Variants in PRKACB observed in about 807,000 individuals in gnomAD.
PRKACB encodes the protein cAMP-dependent protein kinase catalytic subunit beta.
In PRKACB, 16 loss-of-function variants were observed where a neutral mutation model predicts 51.4. The observed-to-expected ratio is 0.31, with a 90% CI of 0.21 to 0.47. The LOEUF (loss-of-function observed/expected upper bound fraction) is 0.47, where lower values mean the gene tolerates loss of function less well. PRKACB is among the 20% of genes least tolerant of loss of function. The pLI is 1.00. For synonymous variants in PRKACB, 147 were observed against 154.4 expected (o/e 0.95, Z 0.35); for missense variants, 309 against 464.5 (o/e 0.67, Z 3.08).
chr1:84,189,577 T>C (rs560993943), intron 5 of PRKACB, among the ~76,000 whole-genome samples: 79 of 152,016 alleles, frequency 5.2e-4, no homozygotes, highest in Non-Finnish European at 9.1e-4. Flanking sequence ...CTTCAAATCA[T>C]GTGTAGTGTG....
intron 5 of PRKACB, among the ~76,000 whole-genome samples, chr1:84,190,328 G>C (rs202154864): frequency 2.6e-5 from 4 of 151,678 alleles, no homozygotes; most frequent in Non-Finnish European, 5.9e-5. Flanking sequence ...ATGAGACATT[G>C]ATTTATAAAT....
intron 9 of PRKACB, among the ~76,000 whole-genome samples, chr1:84,226,715 G>T (rs1332135111): frequency 6.6e-6 from 1 of 151,742 alleles, no homozygotes; most frequent in Non-Finnish European, 1.5e-5. Flanking sequence ...TTTTGTTTTA[G>T]TACATATATT....
intron 8 of PRKACB, among the ~76,000 whole-genome samples, chr1:84,206,395 T>G (rs903720275): frequency 1.2e-4 from 19 of 152,258 alleles, no homozygotes; most frequent in African/African-American, 4.6e-4. Flanking sequence ...TCTCCAGGTT[T>G]GATGATTCAC....
intron 1 of PRKACB, among the ~76,000 whole-genome samples, chr1:84,125,959 G>A (rs1430897162): frequency 2.0e-5 from 3 of 151,950 alleles, no homozygotes; most frequent in Admixed American, 6.6e-5. Flanking sequence ...TACTCAGCTC[G>A]CAGCTCTCAT....
chr1:84,080,287 C>CTGTGAAA (rs1647422016), intron 1 of PRKACB, among the ~76,000 whole-genome samples: 1 of 152,250 alleles, frequency 6.6e-6, no homozygotes, highest in East Asian at 1.9e-4. Context: ...CAACTCATAG[C>CTGTGAAA]TGTGAAATAA....
chr1:84,188,556 T>A (rs1056910636), intron 5 of PRKACB, among the ~76,000 whole-genome samples: 7 of 151,886 alleles, frequency 4.6e-5, no homozygotes, highest in Admixed American at 4.6e-4. Context: ...TATCTAGCAT[T>A]TTAAGACAAT....
chr1:84,157,996 A>G (rs570637754), intron 1 of PRKACB, among the ~76,000 whole-genome samples: 91 of 152,124 alleles, frequency 6.0e-4, no homozygotes, highest in African/African-American at 1.8e-3. Context: ...GTACCATTTT[A>G]TGTTTTCACC....
At chr1:84,163,563 G>T (rs1310646608) in intron 1 of PRKACB, among the ~76,000 whole-genome samples, 1 of 151,988 alleles carries the variant, frequency 6.6e-6, no homozygotes, top group Admixed American at 6.6e-5. Context: ...TACCCTGGTA[G>T]AAGTACTCTC....
chr1:84,078,607 C>G (rs1647277751), intron 1 of PRKACB, among the ~76,000 whole-genome samples: 2 of 152,132 alleles, frequency 1.3e-5, no homozygotes, highest in South Asian at 4.1e-4. Flanking sequence ...AGAGCGTTCC[C>G]TGGGATTCCC....
At chr1:84,181,591 C>T (rs1663491575) in intron 2 of PRKACB, 3 of 1,007,760 alleles carry the variant, frequency 3.0e-6, no homozygotes, top group Non-Finnish European at 4.0e-6. Flanking sequence ...CTCTTCTTTC[C>T]TTATTGTTGT....
intron 5 of PRKACB, among the ~76,000 whole-genome samples, chr1:84,194,762 C>A (rs148387160): frequency 2.2e-4 from 34 of 151,752 alleles, no homozygotes; most frequent in Non-Finnish European, 4.3e-4. Context: ...AAACCCTCCA[C>A]ACACACACAC....
intron 1 of PRKACB, among the ~76,000 whole-genome samples, chr1:84,150,328 AATTT>A (rs1242920481): frequency 6.6e-6 from 1 of 152,154 alleles, no homozygotes; most frequent in African/African-American, 2.4e-5. Context: ...AACATTGTAA[AATTT>A]ATTCTCAAAA....
At chr1:84,085,474 A>C (rs1647896619) in intron 1 of PRKACB, among the ~76,000 whole-genome samples, 1 of 152,222 alleles carries the variant, frequency 6.6e-6, no homozygotes, top group African/African-American at 2.4e-5. Flanking sequence ...CTCTTCTTCC[A>C]GCTTTATAAT....
At chr1:84,206,654 T>G (rs1225186497) in intron 8 of PRKACB, among the ~76,000 whole-genome samples, 2 of 152,204 alleles carry the variant, frequency 1.3e-5, no homozygotes, top group South Asian at 4.1e-4. Flanking sequence ...TGGGGGTTGG[T>G]CACATATGCA....
chr1:84,200,115 G>T (rs1453178209), intron 7 of PRKACB, among the ~76,000 whole-genome samples: 1 of 151,594 alleles, frequency 6.6e-6, no homozygotes, highest in African/African-American at 2.4e-5. Context: ...TCAAAGTGCT[G>T]GGATTACAGG....
intron 1 of PRKACB, among the ~76,000 whole-genome samples, chr1:84,167,071 T>A (rs745594889): frequency 2.0e-5 from 3 of 151,624 alleles, no homozygotes; most frequent in Admixed American, 6.6e-5. Context: ...CATTAAGTTC[T>A]ATTGATTCTA....
intron 1 of PRKACB, among the ~76,000 whole-genome samples, chr1:84,131,417 C>CA (rs899635046): frequency 6.7e-6 from 1 of 149,262 alleles, no homozygotes; most frequent in African/African-American, 2.5e-5. Context: ...AGAACAACAT[C>CA]AAAAAAAGGG....
At chr1:84,098,181 T>C (rs1172397299) in intron 1 of PRKACB, among the ~76,000 whole-genome samples, 1 of 152,142 alleles carries the variant, frequency 6.6e-6, no homozygotes, top group Admixed American at 6.6e-5. Flanking sequence ...ATCTTTTGCC[T>C]ATTTTTCTAC....
intron 1 of PRKACB, among the ~76,000 whole-genome samples, chr1:84,172,840 T>A (rs1367656944): frequency 6.6e-6 from 1 of 151,688 alleles, no homozygotes; most frequent in East Asian, 1.9e-4. Context: ...CATTGCCTAT[T>A]AAACTTCCAA....
Sources: gnomAD v4.1 joint callset for allele counts (sites outside exome capture counted in the v4.1 genomes callset) on GRCh38, gnomAD v4.1.1 for gene constraint, MANE v1.5 for transcripts, NCBI Gene and HGNC (gene_info 2026-07-23, HGNC 2026-07-21) for gene names.